CCNH: variants seen among roughly 807,000 people sequenced by gnomAD.
The protein encoded by CCNH is cyclin-H.
A neutral mutation model predicts 41.9 loss-of-function variants in CCNH; 31 were observed. That is an observed-to-expected ratio of 0.74 (90% CI 0.56 to 1.00). CCNH has a LOEUF of 1.00. Ranked by LOEUF, CCNH falls within the 50% of genes least tolerant of loss-of-function variation. The pLI, the probability that CCNH is intolerant of heterozygous loss-of-function variation, is 0.00. For missense variants in CCNH, 362 were observed against 388.4 expected (o/e 0.93, Z 0.57); for synonymous variants, 138 against 136.1 (o/e 1.01, Z -0.10).
chr5:87,348,590 A>G (rs1759029091), intron 9 of CCNH, among the ~76,000 whole-genome samples: 1 of 151,834 alleles, frequency 6.6e-6, no homozygotes, highest in African/African-American at 2.4e-5. Context: ...TTTTGAATCT[A>G]CCTTTATAAA....
intron 9 of CCNH, chr5:87,349,130 G>C: frequency 6.8e-7 from 1 of 1,466,130 alleles, no homozygotes; most frequent in Non-Finnish European, 9.5e-7. Context: ...TTATGACTTT[G>C]AATGCACTTT....
intron 9 of CCNH, among the ~76,000 whole-genome samples, chr5:87,348,222 A>AT (rs1333072057): frequency 6.6e-6 from 1 of 151,812 alleles, no homozygotes; most frequent in Non-Finnish European, 1.5e-5. Flanking sequence ...AAGGAGATTT[A>AT]TTTTTTTCTT....
intron 9 of CCNH, among the ~76,000 whole-genome samples, chr5:87,350,166 C>CA (rs1207202267): frequency 6.6e-6 from 1 of 151,512 alleles, no homozygotes; most frequent in African/African-American, 2.4e-5. Flanking sequence ...TGAAAAAAAC[C>CA]AAAAAACAAA....
At chr5:87,408,343 T>G (rs1295792711) in intron 3 of CCNH, among the ~76,000 whole-genome samples, 157 bp from the exon 4 acceptor site, 1 of 152,172 alleles carries the variant, frequency 6.6e-6, no homozygotes, top group Non-Finnish European at 1.5e-5. Flanking sequence ...GAATTGTTTT[T>G]TAAAAGACAC....
In CCNH at chr5:87,377,154, G is replaced by T. The variant is rs568121274; in HGVS notation, n.27C>A. 157 of 1,357,518 alleles carry T rather than the reference G, an allele frequency of 1.2e-4. 2 individuals carry two copies. In the South Asian group the frequency reaches 1.8e-3, roughly 15 times the overall value. The allele number at this position is 1,357,518 out of a possible 1,614,324, so 84.1% of individuals were successfully genotyped here. ...ATTGTTAAATTATATTGCAAAATAA[G>T]TTATTCTGTTTTCCCTCCTTAAAAA... On this transcript the variant is annotated non_coding_transcript_exon_variant, in exon 1 of 1. Coordinates refer to the CCNH transcript ENST00000607486.
At chr5:87,362,897 T>C (rs1354673878) in intron 9 of CCNH, among the ~76,000 whole-genome samples, 4 of 151,514 alleles carry the variant, frequency 2.6e-5, no homozygotes, top group Non-Finnish European at 2.9e-5. Context: ...TTTTTTTCTT[T>C]CTTTCTTTCT....
Position 87,412,852 on chromosome 5 carries a change from T to G in CCNH, c.-58A>C. The G allele has an allele frequency of 6.3e-7, 1 of 1,588,914 alleles. No homozygotes were observed. The highest frequency in any genetic ancestry group is 8.6e-7 in the Non-Finnish European group (1 of 1,161,746). On this transcript the variant is annotated 5_prime_UTR_variant, in exon 1 of 9. Coordinates refer to ENST00000256897, the MANE Select transcript of CCNH (RefSeq NM_001239.4). Reference sequence around the variant, plus strand: ...AGACGAGAACCCAAACGCATCAGCGTCCTGGCGTAAAACACCCGTACCCCC... The same window carrying G: ...AGACGAGAACCCAAACGCATCAGCGGCCTGGCGTAAAACACCCGTACCCCC...
At chr5:87,352,083 T>G (rs1759316786) in intron 9 of CCNH, among the ~76,000 whole-genome samples, 1 of 151,732 alleles carries the variant, frequency 6.6e-6, no homozygotes, top group Non-Finnish European at 1.5e-5. Flanking sequence ...TTAGATTTTT[T>G]TATTAAAAAC....
chr5:87,367,106 T>A (rs991777342), intron 9 of CCNH, among the ~76,000 whole-genome samples: 5 of 152,122 alleles, frequency 3.3e-5, no homozygotes, highest in African/African-American at 4.8e-5. Flanking sequence ...CTATTTTTTT[T>A]AAAGTGCCTT....
chr5:87,400,286 C>G (rs1763300265), intron 6 of CCNH, among the ~76,000 whole-genome samples: 1 of 152,130 alleles, frequency 6.6e-6, no homozygotes, highest in South Asian at 2.1e-4. Context: ...ACCCTTAGGA[C>G]AGTATCTATG....
downstream of CCNH, chr5:87,394,235 C>T (rs568966653): frequency 8.2e-6 from 10 of 1,222,880 alleles, no homozygotes; most frequent in South Asian, 6.6e-5. Flanking sequence ...ATATTAGTCA[C>T]GATGGAATAA....
At chr5:87,366,811 C>G (rs576817150) in intron 9 of CCNH, among the ~76,000 whole-genome samples, 9 of 152,160 alleles carry the variant, frequency 5.9e-5, no homozygotes, top group Non-Finnish European at 1.2e-4. Context: ...GTGGGCTGAT[C>G]GCTTAAGCTC....
chr5:87,387,615 G>A (rs1173440863), downstream of CCNH, among the ~76,000 whole-genome samples: 1 of 152,120 alleles, frequency 6.6e-6, no homozygotes. Context: ...GCATTAGGGA[G>A]TGCTAGGATT....
chr5:87,366,405 C>T, intron 9 of CCNH: 1 of 400,800 alleles, frequency 2.5e-6, no homozygotes, highest in Non-Finnish European at 5.1e-6. Flanking sequence ...CCACATTACA[C>T]TTGATGGTAA....
At chr5:87,391,993 C>A, downstream of CCNH, 1 of 241,686 alleles carries the variant, frequency 4.1e-6, no homozygotes, top group Non-Finnish European at 8.3e-6. Context: ...CAGTTTAAAC[C>A]TTAGCATCAG....
downstream of CCNH, chr5:87,372,111 T>C: frequency 6.2e-7 from 1 of 1,612,622 alleles, no homozygotes; most frequent in South Asian, 1.1e-5. Flanking sequence ...GCTGTTTTTC[T>C]TTGCAGGATT....
intron 9 of CCNH, among the ~76,000 whole-genome samples, chr5:87,348,390 G>T (rs981070722): frequency 1.3e-5 from 2 of 151,902 alleles, no homozygotes; most frequent in Non-Finnish European, 1.5e-5. Context: ...AACTTAAATG[G>T]AGAAAAGGCA....
In CCNH at chr5:87,358,509, C is replaced by G. The variant is rs368108333; in HGVS notation, c.*90+34261G>C. Among the ~76,000 whole-genome samples the G allele has an allele frequency of 7.2e-5, 11 of 152,262 alleles. No homozygotes were observed. The South Asian group carries it at 1.0e-3, about 14-fold the overall frequency. On this transcript the variant is annotated intron_variant and NMD_transcript_variant, in intron 9 of 9. Transcript: ENST00000645953. ...AGGAAGATCATACTGACTCTGTCTT[C>G]AAAGTATGTCTAGAATATGACCACC... is the stretch of plus-strand genomic sequence containing the variant.
rs781285667 is a variant in CCNH at position 87,333,345 on chromosome 5, A to G, written c.*91-14448T>C. On this transcript the variant is annotated intron_variant and NMD_transcript_variant, in intron 9 of 9. Coordinates refer to the CCNH transcript ENST00000645953. ...AGACACTGATGAAATAAGGTATTTTATAATCTATTCTCATGTATAGGCATT... is the reference window on the plus strand; with the variant it reads ...AGACACTGATGAAATAAGGTATTTTGTAATCTATTCTCATGTATAGGCATT... The G allele has an allele frequency of 1.9e-6, 3 of 1,612,948 alleles. No homozygotes were observed. Among genetic ancestry groups the G allele is most frequent in the Admixed American group, 1.7e-5 (1 of 59,966 alleles).
Sources: gnomAD v4.1 joint callset for allele counts (sites outside exome capture counted in the v4.1 genomes callset) on GRCh38, gnomAD v4.1.1 for gene constraint, MANE v1.5 for transcripts, NCBI Gene and HGNC (gene_info 2026-07-23, HGNC 2026-07-21) for gene names.